The following MTNR1B variants were observed in gnomAD, a reference collection of about 807,000 sequenced individuals.
The protein encoded by MTNR1B is melatonin receptor type 1B.
A neutral mutation model predicts 7.0 loss-of-function variants in MTNR1B; 7 were observed. The ratio of observed to expected loss-of-function variants is 1.00; its 90% CI spans 0.57 to 1.88. MTNR1B has a LOEUF of 1.88. Among genes scored for constraint, MTNR1B ranks in the 40% most tolerant of loss-of-function variants. The pLI, the probability that MTNR1B is intolerant of heterozygous loss-of-function variation, is 0.00. For synonymous variants in MTNR1B, 226 were observed against 208.2 expected (o/e 1.09, Z -0.74); for missense variants, 478 against 486.5 (o/e 0.98, Z 0.16).
chr11:92,976,137 T>C (rs1858006210), intron 1 of MTNR1B, among the ~76,000 whole-genome samples: 1 of 152,266 alleles, frequency 6.6e-6, no homozygotes, highest in Non-Finnish European at 1.5e-5. Flanking sequence ...AAGACTTTAA[T>C]GTTTGCCTGT....
chr11:92,981,847 C>G lies in MTNR1B; in HGVS notation c.624C>G (p.His208Gln), dbSNP rs1193071348. ...TQYTAAVVVI[H>Q]FLLPIAVVSF... ...ACACGGCGGCAGTGGTGGTCATCCA[C>G]TTCCTCCTCCCTATCGCTGTCGTGT... Residue 208 changes from histidine to glutamine, a missense_variant, in exon 2 of 2, where the codon CAC becomes CAG. Physicochemically the swap from His to Gln is conservative, Grantham distance 24. Transcript: ENST00000257068. 1 of 1,614,230 alleles carries G rather than the reference C, an allele frequency of 6.2e-7. No individual in the cohort carries two copies. Among genetic ancestry groups the G allele is most frequent in the Admixed American group, 1.7e-5 (1 of 60,036 alleles).
In MTNR1B at chr11:92,982,116, A is replaced by G; in HGVS notation, c.893A>G (p.Tyr298Cys). 6.2e-7 allele frequency: 1 copy of G among 1,614,216 alleles called. No individual in the cohort carries two copies. Among genetic ancestry groups the G allele is most frequent in the South Asian group, 1.1e-5 (1 of 91,082 alleles). ...GLFVTSYLLA[Y>C]FNSCLNAIVY... Reference sequence around the variant, plus strand: ...TTTGTCACTAGCTACTTACTGGCTTATTTCAACAGCTGCCTGAATGCCATT... The same window carrying G: ...TTTGTCACTAGCTACTTACTGGCTTGTTTCAACAGCTGCCTGAATGCCATT... Residue 298 changes from tyrosine to cysteine, a missense_variant, in exon 2 of 2, where the codon TAT becomes TGT. Physicochemically the swap from Tyr to Cys is radical, Grantham distance 194 (BLOSUM62 -2). Coordinates refer to ENST00000257068, the MANE Select transcript of MTNR1B (RefSeq NM_005959.5).
At chr11:92,978,600 A>G (rs1858047544) in intron 1 of MTNR1B, among the ~76,000 whole-genome samples, 1 of 152,248 alleles carries the variant, frequency 6.6e-6, no homozygotes, top group Admixed American at 6.5e-5. Context: ...GGCTTCTTAC[A>G]GATGGAAGAC....
intron 1 of MTNR1B, among the ~76,000 whole-genome samples, chr11:92,981,094 T>G (rs1858095632): frequency 6.6e-6 from 1 of 152,214 alleles, no homozygotes; most frequent in Non-Finnish European, 1.5e-5. Context: ...GGAGCTTAAA[T>G]GGTGCAAAGC....
At chr11:92,970,029 G>T in intron 1 of MTNR1B, 81 bp downstream of exon 1, 3 of 1,391,468 alleles carry the variant, frequency 2.2e-6, no homozygotes, top group Admixed American at 2.4e-5. Flanking sequence ...CGGGATATGC[G>T]CTGCCTTTTC....
chr11:92,974,727 C>A (rs572230648), intron 1 of MTNR1B, among the ~76,000 whole-genome samples: 34 of 150,704 alleles, frequency 2.3e-4, no homozygotes, highest in South Asian at 6.6e-4. Context: ...CTCAGCCTCC[C>A]GAGTAGCTGG....
At chr11:92,981,405 C>T (rs373970420) in intron 1 of MTNR1B, 42 bp from the exon 2 acceptor site, 45 of 1,575,880 alleles carry the variant, frequency 2.9e-5, no homozygotes, top group East Asian at 1.1e-4. Flanking sequence ...GAATCTAAGT[C>T]GTGGGGTCTC....
downstream of MTNR1B, among the ~76,000 whole-genome samples, chr11:92,984,373 A>C (rs769897458): frequency 3.9e-5 from 6 of 152,188 alleles, no homozygotes; most frequent in Non-Finnish European, 8.8e-5. Flanking sequence ...AAGATGTCTT[A>C]GTCCTGATGA....
Position 92,981,846 on chromosome 11 carries a change from A to T in MTNR1B, c.623A>T (p.His208Leu), listed in dbSNP as rs188825896. Residue 208 changes from histidine (H) to leucine (L), a missense_variant, in exon 2 of 2, where the codon CAC (histidine) becomes CTC (leucine). Coordinates refer to ENST00000257068, the MANE Select transcript of MTNR1B (RefSeq NM_005959.5). ...TQYTAAVVVI[H>L]FLLPIAVVSF... The stretch of plus-strand genomic sequence containing the variant: ...TACACGGCGGCAGTGGTGGTCATCC[A>T]CTTCCTCCTCCCTATCGCTGTCGTG... 2 of 1,614,044 alleles carry T rather than the reference A, an allele frequency of 1.2e-6. No homozygotes were observed. The highest frequency in any genetic ancestry group is 1.1e-5 in the South Asian group (1 of 91,072).
chr11:92,976,757 C>T (rs1228554812), intron 1 of MTNR1B, among the ~76,000 whole-genome samples: 1 of 152,252 alleles, frequency 6.6e-6, no homozygotes, highest in Non-Finnish European at 1.5e-5. Context: ...AAACTCTCTA[C>T]ACCCTTTCTC....
At chr11:92,978,995 C>G (rs1858055888) in intron 1 of MTNR1B, among the ~76,000 whole-genome samples, 1 of 152,170 alleles carries the variant, frequency 6.6e-6, no homozygotes, top group Non-Finnish European at 1.5e-5. Flanking sequence ...CCTATGGAGA[C>G]TCATCTTCCT....
At chr11:92,979,884 G>A (rs1315041573) in intron 1 of MTNR1B, among the ~76,000 whole-genome samples, 1 of 152,190 alleles carries the variant, frequency 6.6e-6, no homozygotes, top group Non-Finnish European at 1.5e-5. Context: ...TGGGAAGGCT[G>A]GAGGCAGTCC....
rs751521431 is a variant in MTNR1B at position 92,969,757 on chromosome 11, G to A, written c.32G>A (p.Cys11Tyr). The A allele has an allele frequency of 5.3e-6, 8 of 1,505,688 alleles. No homozygotes were observed. The African/African-American group carries it at 1.0e-4, about 19-fold the overall frequency. 93.3% of individuals were successfully genotyped at this position (1,505,688 alleles called of 1,614,324 possible). A position where few individuals can be genotyped will look rare whatever the true frequency, so the allele number is the denominator to read the frequency against. Residue 11 changes from cysteine (C) to tyrosine (Y), a missense_variant, in exon 1 of 2, where the codon TGC (cysteine) becomes TAC (tyrosine). By Grantham distance (194) the Cys-to-Tyr change is radical. Transcript: ENST00000257068. The stretch of plus-strand genomic sequence containing the variant: ...GAGAACGGCTCCTTCGCCAACTGCT[G>A]CGAGGCGGGCGGGTGGGCAGTGCGC... MSENGSFANC[C>Y]EAGGWAVRPG...
At position 92,969,938 on chromosome 11, in the gene MTNR1B, C is replaced by T. The variant is rs1316334453; in HGVS notation, c.213C>T (p.Leu71=). The change falls in exon 1 of 2, where the codon CTC becomes CTT. Residue 71 remains leucine, a synonymous_variant. Coordinates refer to ENST00000257068, the MANE Select transcript of MTNR1B (RefSeq NM_005959.5). ...TCTCCGTGCTCAGGAACCGCAAGCT[C>T]CGGAACGCAGGTGAGCACCATTCCT... ...VILSVLRNRK[L]RNAGNLFLVS... is the part of the protein sequence containing the mutation. 3.7e-6 allele frequency: 6 copies of T among 1,610,844 alleles called. No individual in the cohort carries two copies. The highest frequency in any genetic ancestry group is 1.7e-4 in the Middle Eastern group (1 of 6,048).
chr11:92,978,464 A>G (rs1858045532), intron 1 of MTNR1B, among the ~76,000 whole-genome samples: 1 of 152,190 alleles, frequency 6.6e-6, no homozygotes, highest in African/African-American at 2.4e-5. Flanking sequence ...AGGACCCATG[A>G]CATAAATATT....
chr11:92,984,913 C>T, downstream of MTNR1B: 2 of 456,258 alleles, frequency 4.4e-6, no homozygotes, highest in South Asian at 3.1e-5. Flanking sequence ...GCTGTGGGCC[C>T]TGATTGTAAA....
At chr11:92,979,168 A>G (rs1157647404) in intron 1 of MTNR1B, among the ~76,000 whole-genome samples, 1 of 152,156 alleles carries the variant, frequency 6.6e-6, no homozygotes, top group Non-Finnish European at 1.5e-5. Context: ...AAGTGGCAGG[A>G]CTCAGATTAT....
At position 92,969,929 on chromosome 11, in the gene MTNR1B, C is replaced by G. The variant is rs756588201; in HGVS notation, c.204C>G (p.Asn68Lys). 1 of 1,611,182 alleles carries G rather than the reference C, an allele frequency of 6.2e-7. No homozygotes were observed. The highest frequency in any genetic ancestry group is 1.3e-5 in the African/African-American group (1 of 74,818). The change falls in exon 1 of 2, where the codon AAC becomes AAG. Residue 68 changes from asparagine to lysine, a missense_variant. Physicochemically the swap from Asn to Lys is moderately conservative, Grantham distance 94 (BLOSUM62 0). Coordinates refer to ENST00000257068, the MANE Select transcript of MTNR1B (RefSeq NM_005959.5). Reference protein sequence around the residue: ...NLLVILSVLRNRKLRNAGNLF... With the variant: ...NLLVILSVLRKRKLRNAGNLF... ...TGGTGATCCTCTCCGTGCTCAGGAA[C>G]CGCAAGCTCCGGAACGCAGGTGAGC... is the stretch of plus-strand genomic sequence containing the variant.
intron 1 of MTNR1B, among the ~76,000 whole-genome samples, chr11:92,971,207 C>T (rs372205643): frequency 2.6e-5 from 4 of 152,034 alleles, no homozygotes; most frequent in African/African-American, 9.7e-5. Flanking sequence ...GTGATCCACC[C>T]GCCTCGGCCT....
Sources: allele counts gnomAD v4.1 joint callset (sites outside exome capture counted in the v4.1 genomes callset), GRCh38; gene constraint gnomAD v4.1.1; transcripts MANE v1.5; gene names NCBI Gene and HGNC (gene_info 2026-07-23, HGNC 2026-07-21).